COL5A2: variants seen among roughly 807,000 people sequenced by gnomAD.
The protein encoded by COL5A2 is collagen alpha-2(V) chain.
COL5A2 carries 23 observed loss-of-function variants against 208.2 expected under a neutral mutation model. The ratio of observed to expected loss-of-function variants is 0.11; its 90% CI spans 0.08 to 0.16. COL5A2 has a LOEUF of 0.16. COL5A2 is among the 10% of genes least tolerant of loss of function. COL5A2 has a pLI of 1.00. For missense variants in COL5A2, 1,590 were observed against 1,956.4 expected, an observed-to-expected ratio of 0.81 and a Z score of 3.53; for synonymous variants, 625 against 628.5, an observed-to-expected ratio of 0.99 and a Z score of 0.08.
chr2:189,118,422 T>A (rs1335265673), intron 1 of COL5A2, among the ~76,000 whole-genome samples: 3 of 152,208 alleles, frequency 2.0e-5, no homozygotes, highest in African/African-American at 7.2e-5. Flanking sequence ...CCTTTTTCAA[T>A]TTTCCCTGAT....
chr2:189,083,813 T>C (rs1686591573), intron 12 of COL5A2, among the ~76,000 whole-genome samples, 171 bp downstream of exon 12: 1 of 152,232 alleles, frequency 6.6e-6, no homozygotes, highest in South Asian at 2.1e-4. Flanking sequence ...CAACTGGAGT[T>C]AACAATCACT....
At chr2:189,045,759 G>T in intron 46 of COL5A2, 41 bp downstream of exon 46, 1 of 1,473,206 alleles carries the variant, frequency 6.8e-7, no homozygotes, top group Non-Finnish European at 9.5e-7. Context: ...ATAGCATATG[G>T]GTGTGCAAAA....
the COL5A2 span, among the ~76,000 whole-genome samples, chr2:189,274,737 T>C: frequency 6.6e-6 from 1 of 152,136 alleles, no homozygotes; most frequent in South Asian, 2.1e-4. Flanking sequence ...TACCATTTCA[T>C]GCCAAAGACA....
chr2:189,259,237 CT>C, the COL5A2 span, among the ~76,000 whole-genome samples: 1,296 of 152,132 alleles, frequency 8.5e-3, 14 homozygotes, highest in African/African-American at 0.029. Context: ...ATGCTTATTT[CT>C]TTCCTTCTCC....
the COL5A2 span, among the ~76,000 whole-genome samples, chr2:189,419,349 G>A: frequency 1.7e-3 from 258 of 152,190 alleles, 3 homozygotes; most frequent in South Asian, 0.013. Flanking sequence ...ACTAATGCAG[G>A]AAAGAATACA....
the COL5A2 span, among the ~76,000 whole-genome samples, chr2:189,335,116 G>A: frequency 6.6e-6 from 1 of 151,970 alleles, no homozygotes; most frequent in Middle Eastern, 3.2e-3. Flanking sequence ...GAATCATAAA[G>A]CTTCTAGAAG....
At chr2:189,323,659 A>G in the COL5A2 span, among the ~76,000 whole-genome samples, 1 of 152,230 alleles carries the variant, frequency 6.6e-6, no homozygotes, top group Non-Finnish European at 1.5e-5. Context: ...CCACTGCTCA[A>G]TGAAATAAAA....
rs1207697242 is a variant in COL5A2, at chr2:189,108,421, T to C, written c.322+1804A>G. Among the ~76,000 whole-genome samples, 3 of 151,910 alleles carry C rather than the reference T, an allele frequency of 2.0e-5. No homozygotes were observed. The East Asian group carries it at 5.8e-4, about 29-fold the overall frequency. On this transcript the variant is annotated intron_variant, in intron 2 of 53. Coordinates refer to ENST00000374866, the MANE Select transcript of COL5A2 (RefSeq NM_000393.5). ...ATATTATCTCCTTAAGAAATATGTA[T>C]ATATTGCTCCACTGTCTTCTGACAC... is the stretch of plus-strand genomic sequence containing the variant.
the COL5A2 span, among the ~76,000 whole-genome samples, chr2:189,313,920 A>G: frequency 6.6e-6 from 1 of 152,206 alleles, no homozygotes; most frequent in South Asian, 2.1e-4. Context: ...TGCACACAAC[A>G]CAGGAACACC....
the COL5A2 span, among the ~76,000 whole-genome samples, chr2:189,394,634 G>C: frequency 6.6e-6 from 1 of 152,152 alleles, no homozygotes; most frequent in Non-Finnish European, 1.5e-5. Flanking sequence ...TAGCTATCCA[G>C]TCTGTTACAG....
At chr2:189,320,302 C>CA in the COL5A2 span, among the ~76,000 whole-genome samples, 1 of 152,206 alleles carries the variant, frequency 6.6e-6, no homozygotes, top group Admixed American at 6.5e-5. Context: ...AGCAACAGAA[C>CA]AAAGCTGGAC....
the COL5A2 span, among the ~76,000 whole-genome samples, chr2:189,330,942 T>A: frequency 6.6e-6 from 1 of 152,026 alleles, no homozygotes; most frequent in African/African-American, 2.4e-5. Flanking sequence ...TGATCCAGAA[T>A]CAAAAGGAAA....
intron 35 of COL5A2, among the ~76,000 whole-genome samples, chr2:189,055,172 C>G (rs897455451): frequency 6.6e-6 from 1 of 152,126 alleles, no homozygotes; most frequent in African/African-American, 2.4e-5. Flanking sequence ...CGTGAGCCAT[C>G]GCGCCCAGCC....
chr2:189,166,879 A>G (rs1047197643), intron 1 of COL5A2, among the ~76,000 whole-genome samples: 3 of 152,274 alleles, frequency 2.0e-5, no homozygotes, highest in Admixed American at 1.3e-4. Context: ...CATCTGGACT[A>G]TATTAGCTCC....
chr2:189,180,502 C>T (rs1050312018), upstream of COL5A2, among the ~76,000 whole-genome samples: 1 of 152,118 alleles, frequency 6.6e-6, no homozygotes, highest in Non-Finnish European at 1.5e-5. Context: ...GGGAAGTACT[C>T]TACCTTTGGA....
chr2:189,350,027 TA>T, the COL5A2 span, among the ~76,000 whole-genome samples: 11 of 152,302 alleles, frequency 7.2e-5, no homozygotes, highest in African/African-American at 2.6e-4. Flanking sequence ...CAGACTAATT[TA>T]TTCATATTAT....
intron 1 of COL5A2, among the ~76,000 whole-genome samples, chr2:189,148,891 G>A (rs530508011): frequency 1.3e-5 from 2 of 152,272 alleles, no homozygotes; most frequent in South Asian, 4.1e-4. Flanking sequence ...TGTAATCCCA[G>A]CACTTTGGGA....
Position 189,179,639 on chromosome 2 carries a change from T to A in COL5A2, c.-35A>T, listed in dbSNP as rs1688747251. On this transcript the variant is annotated 5_prime_UTR_variant, in exon 1 of 54. Coordinates refer to ENST00000374866, the MANE Select transcript of COL5A2 (RefSeq NM_000393.5). Reference sequence around the variant, plus strand: ...TTAGACATGTGGGTTCTCCTGAGAGTGAAAAGTAGATTCTGAGGTTATTGT... The same window carrying A: ...TTAGACATGTGGGTTCTCCTGAGAGAGAAAAGTAGATTCTGAGGTTATTGT... 6.3e-7 allele frequency: 1 copy of A among 1,575,760 alleles called. No homozygotes were observed. Among genetic ancestry groups the A allele is most frequent in the African/African-American group, 1.3e-5 (1 of 74,162 alleles).
At chr2:189,037,339 G>C (rs935608838) in intron 51 of COL5A2, among the ~76,000 whole-genome samples, 12 of 152,158 alleles carry the variant, frequency 7.9e-5, no homozygotes, top group African/African-American at 2.9e-4. Context: ...GCAGTGCCTG[G>C]TGGTAGGCAT....
Sources: allele counts gnomAD v4.1 joint callset (sites outside exome capture counted in the v4.1 genomes callset), GRCh38; gene constraint gnomAD v4.1.1; transcripts MANE v1.5; gene names NCBI Gene and HGNC (gene_info 2026-07-23, HGNC 2026-07-21).